JARID2: variants seen among roughly 807,000 people sequenced by gnomAD.
JARID2 encodes the protein protein Jumonji.
JARID2 carries 21 observed loss-of-function variants against 125.6 expected under a neutral mutation model. The observed-to-expected ratio is 0.17, with a 90% confidence interval of 0.12 to 0.24. JARID2 has a LOEUF of 0.24. JARID2 is among the 10% of genes least tolerant of loss of function. The probability of loss-of-function intolerance (pLI) is 1.00; values close to 1 mark genes in which losing one functional copy is unlikely to be tolerated. For synonymous variants in JARID2, 736 were observed against 661.6 expected (o/e 1.11, Z -1.73); for missense variants, 1,303 against 1,639.6 (o/e 0.79, Z 3.55).
chr6:15,342,852 A>G (rs552916310), intron 1 of JARID2, among the ~76,000 whole-genome samples: 1 of 152,294 alleles, frequency 6.6e-6, no homozygotes, highest in Non-Finnish European at 1.5e-5. Flanking sequence ...GTACTAAGTT[A>G]GGAAATTATT....
intron 2 of JARID2, among the ~76,000 whole-genome samples, chr6:15,378,743 G>A (rs148038839): frequency 1.4e-4 from 21 of 152,206 alleles, no homozygotes; most frequent in Admixed American, 6.5e-5. Flanking sequence ...CATTTCCAGC[G>A]TTGTTTCTGG....
intron 5 of JARID2, among the ~76,000 whole-genome samples, chr6:15,469,353 C>G (rs1581608283): frequency 2.6e-5 from 1 of 39,056 alleles, no homozygotes; most frequent in African/African-American, 8.0e-5. Flanking sequence ...CTCTCTCTCT[C>G]TCTCTCTCCT....
chr6:15,388,963 G>T (rs777063411), intron 2 of JARID2, among the ~76,000 whole-genome samples: 2 of 151,990 alleles, frequency 1.3e-5, no homozygotes, highest in Non-Finnish European at 2.9e-5. Flanking sequence ...CAGTTAGGTG[G>T]GTGCCTGTTC....
At chr6:15,489,746 G>C (rs1770056267) in intron 6 of JARID2, among the ~76,000 whole-genome samples, 1 of 152,224 alleles carries the variant, frequency 6.6e-6, no homozygotes, top group African/African-American at 2.4e-5. Flanking sequence ...CTCTGAGTTA[G>C]TGCAGGAGTT....
intron 1 of JARID2, among the ~76,000 whole-genome samples, chr6:15,370,337 T>G (rs1486865436): frequency 2.7e-5 from 4 of 150,328 alleles, no homozygotes; most frequent in Admixed American, 6.6e-5. Flanking sequence ...GCTGTTTTTT[T>G]TTTTTTTTTT....
intron 1 of JARID2, among the ~76,000 whole-genome samples, chr6:15,274,041 G>A (rs961567500): frequency 6.6e-6 from 1 of 151,558 alleles, no homozygotes; most frequent in South Asian, 2.1e-4. Flanking sequence ...TGATTCTCCT[G>A]CCTCAGCCTC....
chr6:15,328,004 C>T (rs1762589156), intron 1 of JARID2, among the ~76,000 whole-genome samples: 1 of 152,138 alleles, frequency 6.6e-6, no homozygotes, highest in African/African-American at 2.4e-5. Flanking sequence ...AGCCTAGCCA[C>T]CTTTGATTCA....
chr6:15,517,323 C>T, intron 17 of JARID2, 55 bp downstream of exon 17: 1 of 1,276,164 alleles, frequency 7.8e-7, no homozygotes, highest in South Asian at 1.2e-5. Context: ...CTTCCCTGCT[C>T]CCGGCTGGAT....
At position 15,343,152 on chromosome 6, in the gene JARID2, TCG is replaced by T. The variant is rs1238049693; in HGVS notation, c.46-30964_46-30963del. Among the ~76,000 whole-genome samples, 4 of 145,818 alleles carry T rather than the reference TCG, an allele frequency of 2.7e-5. No individual in the cohort carries two copies. The South Asian group carries it at 8.5e-4, about 31-fold the overall frequency. ...GCTGAGGCAGGAGAAGCACTTGAACTCGGGAGGTGGAGGTTGCAGTGAGCCGA... is the reference window on the plus strand; with the variant it reads ...GCTGAGGCAGGAGAAGCACTTGAACTGGAGGTGGAGGTTGCAGTGAGCCGA... On this transcript the variant is annotated intron_variant, in intron 1 of 17. Coordinates refer to ENST00000341776, the MANE Select transcript of JARID2 (RefSeq NM_004973.4).
chr6:15,447,002 T>C (rs559935266), intron 3 of JARID2, among the ~76,000 whole-genome samples: 12 of 152,324 alleles, frequency 7.9e-5, no homozygotes, highest in African/African-American at 1.2e-4. Context: ...GGGGATCTTA[T>C]TAAGATCCTT....
chr6:15,473,515 C>G (rs952252516), intron 5 of JARID2, among the ~76,000 whole-genome samples: 8 of 9,162 alleles, frequency 8.7e-4, no homozygotes, highest in East Asian at 3.4e-3. Flanking sequence ...GATGTGCGTG[C>G]CCCCCCCCCC....
chr6:15,392,237 G>A (rs947432642), intron 2 of JARID2, among the ~76,000 whole-genome samples: 3 of 152,070 alleles, frequency 2.0e-5, no homozygotes, highest in Admixed American at 6.5e-5. Context: ...TGGGATATTC[G>A]TTTGTATACG....
intron 1 of JARID2, among the ~76,000 whole-genome samples, chr6:15,249,732 TGGG>T (rs955356301): frequency 1.7e-4 from 26 of 152,124 alleles, no homozygotes; most frequent in Non-Finnish European, 3.1e-4. Flanking sequence ...AAAGCAGAGT[TGGG>T]GGTGCGATTG....
intron 3 of JARID2, among the ~76,000 whole-genome samples, chr6:15,415,655 C>G (rs1028611376): frequency 2.0e-5 from 3 of 147,880 alleles, no homozygotes; most frequent in Non-Finnish European, 4.5e-5. Context: ...TGACCCCCCC[C>G]ACCTCCCTCC....
At chr6:15,276,738 C>G (rs1215038681) in intron 1 of JARID2, among the ~76,000 whole-genome samples, 1 of 152,128 alleles carries the variant, frequency 6.6e-6, no homozygotes, top group Non-Finnish European at 1.5e-5. Flanking sequence ...CTGGAATGAG[C>G]CAGGGGGTCC....
In JARID2 at chr6:15,399,091, T is replaced by C. The variant is rs573117808; in HGVS notation, c.182-11133T>C. Among the ~76,000 whole-genome samples, 36 of 152,224 alleles carry C rather than the reference T, an allele frequency of 2.4e-4. 1 individual carries two copies. Among genetic ancestry groups the C allele is most frequent in the Non-Finnish European group, 4.4e-4 (30 of 68,036 alleles). ...TTAATTGACTCTGTATGACTTACGC[T>C]GTAGTGGGGTGCATTCCAAACACTT... On this transcript the variant is annotated intron_variant, in intron 2 of 17. Transcript: ENST00000341776.
intron 1 of JARID2, among the ~76,000 whole-genome samples, chr6:15,266,893 T>C (rs922060631): frequency 1.3e-5 from 2 of 152,188 alleles, no homozygotes; most frequent in Non-Finnish European, 2.9e-5. Context: ...ACTTATTAGC[T>C]GCATGTCCAG....
chr6:15,496,617 TGGCCCCGCCGAA>T lies in JARID2; in HGVS notation c.1398_1409del (p.Ala467_Pro470del). 1.2e-6 allele frequency: 2 copies of T among 1,606,576 alleles called. No individual in the cohort carries two copies. Among genetic ancestry groups the T allele is most frequent in the Non-Finnish European group, 1.7e-6 (2 of 1,177,750 alleles). ...CCCCCAAGAAGATGAAAGGGGCGGCTGGCCCCGCCGAAGGCCCTGGCAAGAAGGCCCCGGCCG... is the reference window on the plus strand; with the variant it reads ...CCCCCAAGAAGATGAAAGGGGCGGCTGGCCCTGGCAAGAAGGCCCCGGCCG... On this transcript the variant is annotated inframe_deletion, in exon 7 of 18. Coordinates refer to ENST00000341776, the MANE Select transcript of JARID2 (RefSeq NM_004973.4).
In JARID2 at chr6:15,517,157, G is replaced by A. The variant is rs764823657; in HGVS notation, c.3451-4G>A. On this transcript the variant is annotated splice_region_variant and splice_polypyrimidine_tract_variant and intron_variant, in intron 16 of 17. Transcript: ENST00000341776. ...ACCTTCGGGTGTCCTGCTCTTGCTT[G>A]CAGGTGGTACAAGAGAACGAAAACG... 2.5e-6 allele frequency: 4 copies of A among 1,608,988 alleles called. No homozygotes were observed. The highest frequency in any genetic ancestry group is 3.4e-6 in the Non-Finnish European group (4 of 1,175,348).
Sources: gnomAD v4.1 joint callset for allele counts (sites outside exome capture counted in the v4.1 genomes callset) on GRCh38, gnomAD v4.1.1 for gene constraint, MANE v1.5 for transcripts, NCBI Gene and HGNC (gene_info 2026-07-23, HGNC 2026-07-21) for gene names.